ELMO1: variants seen among roughly 807,000 people sequenced by gnomAD.
The protein encoded by ELMO1 is engulfment and cell motility protein 1.
In ELMO1, 26 loss-of-function variants were observed where a neutral mutation model predicts 98.9. The ratio of observed to expected loss-of-function variants is 0.26; its 90% confidence interval spans 0.19 to 0.36. The LOEUF is 0.36. Ranked by LOEUF, ELMO1 falls within the 10% of genes least tolerant of loss-of-function variation. The pLI is 1.00. For synonymous variants in ELMO1, 346 were observed against 346.0 expected (o/e 1.00, Z 0.00); for missense variants, 627 against 935.2 (o/e 0.67, Z 4.30).
chr7:37,014,591 A>C (rs1793790311), intron 15 of ELMO1, among the ~76,000 whole-genome samples: 1 of 152,030 alleles, frequency 6.6e-6, no homozygotes, highest in Admixed American at 6.5e-5. Flanking sequence ...CCCCACATGC[A>C]TTAGCTATTT....
chr7:37,327,384 T>C (rs12538406), intron 2 of ELMO1, among the ~76,000 whole-genome samples: 4 of 152,238 alleles, frequency 2.6e-5, no homozygotes, highest in Admixed American at 2.6e-4. Context: ...GAAATGACTG[T>C]CAGCTCCAAT....
At chr7:37,211,594 C>G (rs1563079979) in intron 12 of ELMO1, 77 bp from the exon 13 acceptor site, 3 of 1,543,308 alleles carry the variant, frequency 1.9e-6, no homozygotes, top group African/African-American at 2.7e-5. Context: ...TATACTCCCT[C>G]TTTCCCTGGG....
Position 37,265,880 on chromosome 7 carries a change from C to T in ELMO1, c.243+5952G>A, listed in dbSNP as rs188164882. On this transcript the variant is annotated intron_variant, in intron 5 of 21. Coordinates refer to ENST00000310758, the MANE Select transcript of ELMO1 (RefSeq NM_014800.11). ...TCTGTCCAGGCTTCCTAGTTAACAGCACGCAGTTAATTTTGCCAGAGCACC... is the reference window on the plus strand; with the variant it reads ...TCTGTCCAGGCTTCCTAGTTAACAGTACGCAGTTAATTTTGCCAGAGCACC... 2.4e-3 allele frequency among the ~76,000 whole-genome samples: 368 copies of T among 152,258 alleles called. 1 individual carries two copies. The highest frequency in any genetic ancestry group is 0.02 in the Middle Eastern group (6 of 294).
At chr7:37,357,592 T>G (rs1447260758) in intron 1 of ELMO1, among the ~76,000 whole-genome samples, 2 of 152,190 alleles carry the variant, frequency 1.3e-5, no homozygotes, top group Admixed American at 1.3e-4. Context: ...ATATTTTATC[T>G]CTCTAGTTAT....
intron 16 of ELMO1, among the ~76,000 whole-genome samples, chr7:36,964,013 G>A (rs1789190466): frequency 6.6e-6 from 1 of 152,162 alleles, no homozygotes. Context: ...CTGCTGTCTT[G>A]TAGTACAGTT....
chr7:37,413,660 C>T (rs11772059), intron 1 of ELMO1, among the ~76,000 whole-genome samples: 34,599 of 151,890 alleles, frequency 0.23, 4,120 homozygotes, highest in East Asian at 0.41. Flanking sequence ...GGAAAACACC[C>T]TTCAGCACTT....
At chr7:37,350,708 C>T (rs908851054) in intron 1 of ELMO1, among the ~76,000 whole-genome samples, 3 of 152,156 alleles carry the variant, frequency 2.0e-5, no homozygotes, top group Admixed American at 1.3e-4. Context: ...TCCTAACCCC[C>T]AGTAGCTCAG....
intron 14 of ELMO1, among the ~76,000 whole-genome samples, chr7:37,108,183 C>G (rs1271734248): frequency 6.6e-6 from 1 of 152,084 alleles, no homozygotes; most frequent in East Asian, 1.9e-4. Flanking sequence ...AAATGGAGTT[C>G]ATCTCATCAC....
chr7:37,302,343 T>C (rs1261163550), intron 4 of ELMO1, among the ~76,000 whole-genome samples: 2 of 152,086 alleles, frequency 1.3e-5, no homozygotes, highest in Non-Finnish European at 2.9e-5. Flanking sequence ...CTTGGAGAGA[T>C]AAAGTACAGC....
At chr7:37,177,588 T>TA (rs1471606478) in intron 13 of ELMO1, among the ~76,000 whole-genome samples, 1 of 152,226 alleles carries the variant, frequency 6.6e-6, no homozygotes, top group Non-Finnish European at 1.5e-5. Flanking sequence ...TTTCCTCTGT[T>TA]ATGTGTCGCA....
rs369149564 is a variant in ELMO1, at chr7:37,361,536, A to G, written c.-73-18773T>C. Among the ~76,000 whole-genome samples, 7 of 152,376 alleles carry G rather than the reference A, an allele frequency of 4.6e-5. No individual in the cohort carries two copies. The South Asian group carries it at 8.3e-4, about 18-fold the overall frequency. On this transcript the variant is annotated intron_variant, in intron 1 of 21. Coordinates refer to ENST00000310758, the MANE Select transcript of ELMO1 (RefSeq NM_014800.11). Reference sequence around the variant, plus strand: ...AGACCATCCCGCCTGTAAGCCTAAAATATTTACCATCTGAGTCTTTACAGA... The same window carrying G: ...AGACCATCCCGCCTGTAAGCCTAAAGTATTTACCATCTGAGTCTTTACAGA...
chr7:36,922,789 T>C (rs1785251530), intron 16 of ELMO1, among the ~76,000 whole-genome samples: 1 of 152,214 alleles, frequency 6.6e-6, no homozygotes, highest in African/African-American at 2.4e-5. Context: ...CCCCCTTTCA[T>C]ATTCGTCTTT....
rs1489870048 is a variant in ELMO1, at chr7:37,250,293, T to C, written c.414-5902A>G. Among the ~76,000 whole-genome samples the C allele has an allele frequency of 2.0e-5, 3 of 152,142 alleles. No individual in the cohort carries two copies. In the East Asian group the frequency reaches 5.8e-4, roughly 29 times the overall value. On this transcript the variant is annotated intron_variant, in intron 6 of 21. Coordinates refer to ENST00000310758, the MANE Select transcript of ELMO1 (RefSeq NM_014800.11). ...AATAATATTTAATCACATGGAAATA[T>C]TGTTAGGTACAAAAAGCAGGTTATA...
At chr7:37,114,085 C>G (rs185453925) in intron 14 of ELMO1, among the ~76,000 whole-genome samples, 2 of 152,220 alleles carry the variant, frequency 1.3e-5, no homozygotes, top group African/African-American at 4.8e-5. Flanking sequence ...ACTGCAGAGC[C>G]TTGAGAGCTG....
chr7:36,878,204 A>G, intron 18 of ELMO1, 87 bp from the exon 19 acceptor site: 1 of 974,812 alleles, frequency 1.0e-6, no homozygotes, highest in Admixed American at 2.1e-5. Flanking sequence ...TCTTGCCTGG[A>G]GGAAACAAGC....
chr7:37,378,047 T>C (rs894779167), intron 1 of ELMO1, among the ~76,000 whole-genome samples: 2 of 152,160 alleles, frequency 1.3e-5, no homozygotes, highest in Admixed American at 1.3e-4. Context: ...GAAGAAAAGT[T>C]TTCTTCCCAA....
chr7:36,920,117 T>C (rs1330491861), intron 16 of ELMO1, among the ~76,000 whole-genome samples: 1 of 152,244 alleles, frequency 6.6e-6, no homozygotes, highest in Admixed American at 6.5e-5. Context: ...ACCCAGCTCT[T>C]GCCTCTTCTA....
At chr7:37,225,064 G>A (rs376240887) in intron 8 of ELMO1, 34 bp from the exon 9 acceptor site, 34 of 1,613,016 alleles carry the variant, frequency 2.1e-5, no homozygotes, top group Admixed American at 1.8e-4. Flanking sequence ...TTGACTGCTC[G>A]TGGTAAGTAG....
intron 16 of ELMO1, among the ~76,000 whole-genome samples, chr7:36,901,203 G>A (rs1406589078): frequency 6.6e-6 from 1 of 152,160 alleles, no homozygotes; most frequent in Non-Finnish European, 1.5e-5. Context: ...GCCAGATCAG[G>A]GAGTGGAGTA....
Sources: allele counts gnomAD v4.1 joint callset (sites outside exome capture counted in the v4.1 genomes callset), GRCh38; gene constraint gnomAD v4.1.1; transcripts MANE v1.5; gene names NCBI Gene and HGNC (gene_info 2026-07-23, HGNC 2026-07-21).